Variants in DMTF1 observed in about 807,000 individuals in gnomAD.
DMTF1 encodes the protein cyclin D binding myb like transcription factor 1, also known as cyclin-D-binding Myb-like transcription factor 1.
DMTF1 carries 39 observed loss-of-function variants against 91.1 expected under a neutral mutation model. That is an observed-to-expected ratio of 0.43 (90% CI 0.33 to 0.56). The LOEUF (loss-of-function observed/expected upper bound fraction) is 0.56, where lower values mean the gene tolerates loss of function less well. DMTF1 is among the 20% of genes least tolerant of loss of function. DMTF1 has a pLI of 0.05. For synonymous variants in DMTF1, 338 were observed against 309.5 expected (o/e 1.09, Z -0.97); for missense variants, 750 against 914.5 (o/e 0.82, Z 2.32).
chr7:87,180,055 G>A (rs1317035529), intron 8 of DMTF1, among the ~76,000 whole-genome samples: 1 of 152,116 alleles, frequency 6.6e-6, no homozygotes, highest in Non-Finnish European at 1.5e-5. Flanking sequence ...TTAGAATATA[G>A]CATTCCTAGG....
intron 13 of DMTF1, among the ~76,000 whole-genome samples, chr7:87,189,143 C>T (rs1460524108): frequency 6.6e-6 from 1 of 152,102 alleles, no homozygotes; most frequent in Non-Finnish European, 1.5e-5. Context: ...ATTAGTAGTA[C>T]ATGCCAGTCA....
intron 10 of DMTF1, among the ~76,000 whole-genome samples, chr7:87,182,727 G>C (rs1447534747): frequency 6.6e-6 from 1 of 152,200 alleles, no homozygotes; most frequent in Non-Finnish European, 1.5e-5. Flanking sequence ...GAGTGTTTAT[G>C]AAAAACTTTA....
intron 7 of DMTF1, 146 bp from the exon 8 acceptor site, chr7:87,179,399 A>G (rs547561270): frequency 7.2e-6 from 4 of 553,094 alleles, no homozygotes; most frequent in East Asian, 3.5e-5. Context: ...TTAAAAGTTT[A>G]TATTTGATTT....
At chr7:87,185,573 C>G (rs1798230612) in intron 11 of DMTF1, among the ~76,000 whole-genome samples, 1 of 152,210 alleles carries the variant, frequency 6.6e-6, no homozygotes, top group Non-Finnish European at 1.5e-5. Flanking sequence ...AGTGCCTCAT[C>G]TGGCTCTAAC....
chr7:87,194,960 A>G lies in DMTF1; in HGVS notation c.2174-71A>G, dbSNP rs1584499031. ...CTGTTGAGTTCTACACTGTGGTAGA[A>G]TACCTTAAATTCTTGACATGGATTA... On this transcript the variant is annotated intron_variant, in intron 17 of 17. Coordinates refer to ENST00000331242, the MANE Select transcript of DMTF1 (RefSeq NM_001142327.2). The G allele has an allele frequency of 1.7e-5, 25 of 1,472,602 alleles. No homozygotes were observed. The South Asian group carries it at 2.9e-4, about 17-fold the overall frequency. The allele number at this position is 1,472,602 out of a possible 1,614,324, so 91.2% of individuals were successfully genotyped here.
In DMTF1 at chr7:87,164,056, A is replaced by G. The variant is rs1358814347; in HGVS notation, c.-9+439A>G. Among the ~76,000 whole-genome samples the G allele has an allele frequency of 0.015, 33 of 2,202 alleles. 1 individual carries two copies. In the African/African-American group the frequency reaches 0.17, roughly 11 times the overall value. 1.4% of individuals were successfully genotyped at this position (2,202 alleles called of 152,430 possible). ...GGCAACAATGAAGACGCCTTCTCTA[A>G]AAAAAAAAAAAAAAAAAAAAAAGCT... is the stretch of plus-strand genomic sequence containing the variant. On this transcript the variant is annotated intron_variant, in intron 2 of 17. Transcript: ENST00000331242.
chr7:87,186,862 G>C (rs1798572631), intron 12 of DMTF1: 1 of 152,106 alleles, frequency 6.6e-6, no homozygotes, highest in Admixed American at 6.5e-5. Context: ...TTAAGTGATT[G>C]ATGACTATAT....
rs1299351599 is a variant in DMTF1, at chr7:87,194,820, C to T, written c.2165C>T (p.Thr722Ile). The change falls in exon 17 of 18, where the codon ACA (threonine) becomes ATA (isoleucine). Residue 722 changes from threonine (T) to isoleucine (I), a missense_variant. Physicochemically the swap from Thr to Ile is moderately conservative, Grantham distance 89 (BLOSUM62 -1). Transcript: ENST00000331242. ...ACTGAATCTGTCTTGCCTTTGACAA[C>T]ACTAACAGGTACTGTAATATAATAC... ...IDTESVLPLTTLTDPILQHHQ... is the reference protein window; with the variant it reads ...IDTESVLPLTILTDPILQHHQ... 1.9e-6 allele frequency: 3 copies of T among 1,610,080 alleles called. No individual in the cohort carries two copies. Among genetic ancestry groups the T allele is most frequent in the African/African-American group, 1.3e-5 (1 of 74,704 alleles).
chr7:87,175,267 C>CAGAT (rs1230032758), intron 7 of DMTF1, among the ~76,000 whole-genome samples: 1 of 152,016 alleles, frequency 6.6e-6, no homozygotes, highest in Non-Finnish European at 1.5e-5. Flanking sequence ...GTGATCCACC[C>CAGAT]ATCTCGGCCT....
intron 4 of DMTF1, among the ~76,000 whole-genome samples, chr7:87,169,097 A>T (rs1562800149): frequency 1.3e-5 from 2 of 152,136 alleles, no homozygotes; most frequent in Non-Finnish European, 2.9e-5. Context: ...TTTCTTCTGT[A>T]TCACCAGTTT....
At chr7:87,173,863 T>C (rs1185855614) in intron 6 of DMTF1, among the ~76,000 whole-genome samples, 2 of 152,210 alleles carry the variant, frequency 1.3e-5, no homozygotes, top group Non-Finnish European at 2.9e-5. Context: ...ATTTCTCCCC[T>C]GATTTGAAGT....
intron 16 of DMTF1, 160 bp from the exon 17 acceptor site, chr7:87,194,518 TAGATTG>T: frequency 1.8e-6 from 1 of 558,752 alleles, no homozygotes; most frequent in Non-Finnish European, 3.1e-6. Flanking sequence ...AAAAGTATGT[TAGATTG>T]TGAGGTCATC....
intron 13 of DMTF1, 136 bp downstream of exon 13, chr7:87,188,437 TGTTTA>T (rs1798962205): frequency 4.5e-6 from 4 of 888,058 alleles, no homozygotes; most frequent in South Asian, 1.6e-5. Flanking sequence ...TAAGATATTT[TGTTTA>T]GTTCAGTTAA....
intron 10 of DMTF1, among the ~76,000 whole-genome samples, chr7:87,183,519 G>A (rs78434930): frequency 0.011 from 1,751 of 152,308 alleles, 35 homozygotes; most frequent in African/African-American, 0.04. Context: ...CAGCATGCTA[G>A]AATAGGAGAG....
At chr7:87,155,662 G>C (rs2129042616) in intron 1 of DMTF1, 1 of 152,198 alleles carries the variant, frequency 6.6e-6, no homozygotes, top group East Asian at 1.9e-4. Context: ...ATCACAAATA[G>C]ATTTTGTGTT....
chr7:87,172,245 A>G (rs904721732), intron 5 of DMTF1, among the ~76,000 whole-genome samples: 4 of 152,180 alleles, frequency 2.6e-5, no homozygotes, highest in African/African-American at 9.7e-5. Context: ...GTCTGTCTCA[A>G]TTCTTAGCTT....
chr7:87,159,117 A>G (rs115395837), intron 1 of DMTF1, among the ~76,000 whole-genome samples: 71 of 152,296 alleles, frequency 4.7e-4, no homozygotes, highest in African/African-American at 1.7e-3. Context: ...ATAGTTATGC[A>G]TGAATAATTC....
At chr7:87,155,428 A>G (rs928096149) in intron 1 of DMTF1, 3 of 152,212 alleles carry the variant, frequency 2.0e-5, no homozygotes, top group Non-Finnish European at 4.4e-5. Context: ...AGGAATTGAT[A>G]TACTTTTAAA....
intron 12 of DMTF1, chr7:87,186,281 G>A: frequency 1.0e-5 from 3 of 299,694 alleles, no homozygotes; most frequent in Non-Finnish European, 1.9e-5. Flanking sequence ...TAGAGACAGG[G>A]TCTAGCTTGG....
Sources: allele counts gnomAD v4.1 joint callset (sites outside exome capture counted in the v4.1 genomes callset), GRCh38; gene constraint gnomAD v4.1.1; transcripts MANE v1.5; gene names NCBI Gene and HGNC (gene_info 2026-07-23, HGNC 2026-07-21).